Variants in CDC42SE2 observed in about 807,000 individuals in gnomAD.
CDC42SE2 encodes the protein CDC42 small effector protein 2.
CDC42SE2 carries 3 observed loss-of-function variants against 11.5 expected under a neutral mutation model. That is an observed-to-expected ratio of 0.26 (90% CI 0.12 to 0.67). The LOEUF (loss-of-function observed/expected upper bound fraction) is 0.67, where lower values mean the gene tolerates loss of function less well. Among genes scored for constraint, CDC42SE2 ranks in the 30% least tolerant of loss-of-function variants. CDC42SE2 has a pLI of 0.80. For missense variants in CDC42SE2, 82 were observed against 106.8 expected, an observed-to-expected ratio of 0.77 and a Z score of 1.02; for synonymous variants, 33 against 34.8, an observed-to-expected ratio of 0.95 and a Z score of 0.18.
At chr5:131,270,683 T>G (rs1202236453) in intron 1 of CDC42SE2, among the ~76,000 whole-genome samples, 1 of 152,204 alleles carries the variant, frequency 6.6e-6, no homozygotes, top group Non-Finnish European at 1.5e-5. Context: ...GCTTTTTAAG[T>G]CACTTTTAGG....
chr5:131,218,206 A>T, the CDC42SE2 span, among the ~76,000 whole-genome samples: 1 of 151,624 alleles, frequency 6.6e-6, no homozygotes, highest in Non-Finnish European at 1.5e-5. Flanking sequence ...AGGAAGAAGA[A>T]GGAAAGAAAA....
At position 131,359,293 on chromosome 5, in the gene CDC42SE2, C is replaced by T; in HGVS notation, c.-201C>T. 2 of 599,872 alleles carry T rather than the reference C, an allele frequency of 3.3e-6. No individual in the cohort carries two copies. Among genetic ancestry groups the T allele is most frequent in the Non-Finnish European group, 6.0e-6 (2 of 335,824 alleles). 37.2% of individuals were successfully genotyped at this position (599,872 alleles called of 1,614,324 possible). ...AAAGGAGTCTCTGTAGAACCAGAAGCAAAGAAAGGAAACAATCCAAATTTT... is the reference window on the plus strand; with the variant it reads ...AAAGGAGTCTCTGTAGAACCAGAAGTAAAGAAAGGAAACAATCCAAATTTT... On this transcript the variant is annotated 5_prime_UTR_variant, in exon 3 of 5. Coordinates refer to ENST00000505065, the MANE Select transcript of CDC42SE2 (RefSeq NM_001375635.1).
intron 1 of CDC42SE2, among the ~76,000 whole-genome samples, chr5:131,294,377 T>C (rs778174903): frequency 2.6e-5 from 4 of 152,208 alleles, no homozygotes; most frequent in Non-Finnish European, 5.9e-5. Context: ...AGGAAAGGTA[T>C]GTTGTCCCTT....
chr5:131,313,257 C>T (rs1247723355), intron 1 of CDC42SE2, among the ~76,000 whole-genome samples: 1 of 152,172 alleles, frequency 6.6e-6, no homozygotes, highest in Non-Finnish European at 1.5e-5. Context: ...GCTGGGATTA[C>T]AGGCATGAGC....
chr5:131,333,979 T>G (rs559720599), intron 2 of CDC42SE2, among the ~76,000 whole-genome samples: 3 of 152,286 alleles, frequency 2.0e-5, no homozygotes, highest in Admixed American at 6.5e-5. Flanking sequence ...TGATTGCCCT[T>G]GCCAGAACTT....
At chr5:131,313,363 C>T (rs1431586508) in intron 1 of CDC42SE2, among the ~76,000 whole-genome samples, 1 of 152,106 alleles carries the variant, frequency 6.6e-6, no homozygotes, top group Non-Finnish European at 1.5e-5. Flanking sequence ...TTGCAAATAG[C>T]AGAAATTAGT....
At chr5:131,302,633 C>T (rs1757707643) in intron 1 of CDC42SE2, among the ~76,000 whole-genome samples, 1 of 152,132 alleles carries the variant, frequency 6.6e-6, no homozygotes, top group Non-Finnish European at 1.5e-5. Context: ...CTTTTCTTAA[C>T]TGCTATTCTA....
intron 3 of CDC42SE2, among the ~76,000 whole-genome samples, chr5:131,377,817 T>C (rs898338639): frequency 2.2e-4 from 33 of 152,228 alleles, no homozygotes; most frequent in African/African-American, 8.0e-4. Flanking sequence ...TGCAGAAATG[T>C]AGACTTCATT....
At chr5:131,358,855 A>G (rs1193918113) in intron 2 of CDC42SE2, among the ~76,000 whole-genome samples, 6 of 152,228 alleles carry the variant, frequency 3.9e-5, no homozygotes, top group African/African-American at 1.2e-4. Context: ...GAAGAAACCT[A>G]TATGAAAATG....
At chr5:131,262,279 T>C (rs1730448942), upstream of CDC42SE2, among the ~76,000 whole-genome samples, 1 of 152,014 alleles carries the variant, frequency 6.6e-6, no homozygotes, top group Admixed American at 6.6e-5. Flanking sequence ...GTATCATTGG[T>C]CAAAAAACTG....
At chr5:131,313,247 G>A (rs918046666) in intron 1 of CDC42SE2, among the ~76,000 whole-genome samples, 1 of 152,088 alleles carries the variant, frequency 6.6e-6, no homozygotes, top group Non-Finnish European at 1.5e-5. Context: ...CTCCCAAAGT[G>A]CTGGGATTAC....
chr5:131,316,997 A>G (rs927926496), intron 2 of CDC42SE2, among the ~76,000 whole-genome samples: 17 of 152,270 alleles, frequency 1.1e-4, no homozygotes, highest in African/African-American at 3.9e-4. Flanking sequence ...TTATATTCCT[A>G]TTGTATCTGA....
intron 3 of CDC42SE2, among the ~76,000 whole-genome samples, chr5:131,368,017 G>A (rs1023183762): frequency 1.3e-5 from 2 of 152,096 alleles, no homozygotes; most frequent in Non-Finnish European, 2.9e-5. Flanking sequence ...ACTTTGGGAG[G>A]CCGAGGAGGG....
chr5:131,266,795 A>G (rs1418181075), intron 1 of CDC42SE2, among the ~76,000 whole-genome samples: 1 of 152,016 alleles, frequency 6.6e-6, no homozygotes, highest in Non-Finnish European at 1.5e-5. Context: ...GTGATAGAGA[A>G]TTGTGATACT....
intron 2 of CDC42SE2, among the ~76,000 whole-genome samples, chr5:131,333,352 G>A (rs1580759788): frequency 6.6e-6 from 1 of 152,322 alleles, no homozygotes. Context: ...CCAGTACCAT[G>A]CTGTTTGGTT....
chr5:131,242,167 T>C (rs1756545329), upstream of CDC42SE2, among the ~76,000 whole-genome samples: 1 of 152,226 alleles, frequency 6.6e-6, no homozygotes, highest in African/African-American at 2.4e-5. Context: ...TTCATCTAAG[T>C]TATTATTTCC....
chr5:131,271,507 C>T (rs755544351), intron 1 of CDC42SE2, among the ~76,000 whole-genome samples: 1 of 152,012 alleles, frequency 6.6e-6, no homozygotes, highest in African/African-American at 2.4e-5. Flanking sequence ...GGTGGATGTG[C>T]CTAGGTTATA....
chr5:131,231,376 AT>A, the CDC42SE2 span, among the ~76,000 whole-genome samples: 2 of 152,234 alleles, frequency 1.3e-5, no homozygotes, highest in Non-Finnish European at 2.9e-5. Flanking sequence ...TATTAGAAGT[AT>A]TTTAAAATAA....
intron 3 of CDC42SE2, among the ~76,000 whole-genome samples, chr5:131,360,456 A>G (rs781469221): frequency 2.0e-5 from 3 of 152,030 alleles, no homozygotes; most frequent in Non-Finnish European, 4.4e-5. Flanking sequence ...ATAAAATGTT[A>G]CTTACATAAA....
Sources: allele counts gnomAD v4.1 joint callset (sites outside exome capture counted in the v4.1 genomes callset), GRCh38; gene constraint gnomAD v4.1.1; transcripts MANE v1.5; gene names NCBI Gene and HGNC (gene_info 2026-07-23, HGNC 2026-07-21).